Variants in GCNA observed in about 807,000 individuals in gnomAD.
GCNA encodes germ cell nuclear acidic protein.
GCNA carries 3 observed loss-of-function variants against 38.8 expected under a neutral mutation model. That is an observed-to-expected ratio of 0.08 (90% CI 0.04 to 0.20). GCNA has a LOEUF of 0.20. GCNA is among the 10% of genes least tolerant of loss of function. The pLI is 1.00. For synonymous variants in GCNA, 195 were observed against 240.2 expected (o/e 0.81, Z 1.74); for missense variants, 446 against 578.6 (o/e 0.77, Z 2.35).
intron 4 of GCNA, among the ~76,000 whole-genome samples, chrX:71,593,109 G>A (rs1302554751): frequency 3.6e-5 from 4 of 111,310 alleles, no homozygotes; most frequent in African/African-American, 9.8e-5. Flanking sequence ...GGTCAGGCTG[G>A]TCTTGAACTC....
chrX:71,603,589 T>C lies in GCNA; in HGVS notation c.312T>C (p.Asp104=), dbSNP rs2040733251. 1.7e-6 allele frequency: 2 copies of C among 1,204,279 alleles called. No homozygotes were observed. The highest frequency in any genetic ancestry group is 1.7e-5 in the African/African-American group (1 of 57,571). ...ATGATTGTGTCTCTTGAATTTCAGATGAGAGTCCGGAGTGTTGTCATGTGA... is the reference window on the plus strand; with the variant it reads ...ATGATTGTGTCTCTTGAATTTCAGACGAGAGTCCGGAGTGTTGTCATGTGA... ...KAKLLEINSD[D]ESPECCHVKP... is the part of the protein sequence containing the mutation. The change falls in exon 8 of 13, where the codon GAT becomes GAC. Residue 104 remains aspartate, a splice_region_variant and synonymous_variant. Transcript: ENST00000373696.
chrX:71,581,426 C>CT (rs1204169393), intron 2 of GCNA, among the ~76,000 whole-genome samples: 1 of 111,774 alleles, frequency 8.9e-6, no homozygotes. Flanking sequence ...CTGCCTGTCT[C>CT]TAAGTTTTTT....
At chrX:71,578,866 G>T (rs1415645723) in intron 1 of GCNA, among the ~76,000 whole-genome samples, 1 of 109,468 alleles carries the variant, frequency 9.1e-6, no homozygotes, top group Non-Finnish European at 1.9e-5. Flanking sequence ...AGATAGTGGG[G>T]GGCCTGGTGG....
At chrX:71,586,357 G>A (rs1569435951) in intron 2 of GCNA, among the ~76,000 whole-genome samples, 1 of 110,529 alleles carries the variant, frequency 9.0e-6, no homozygotes. Flanking sequence ...GTTTGGTAGT[G>A]TTTTTTTTCT....
intron 2 of GCNA, among the ~76,000 whole-genome samples, chrX:71,590,671 G>C (rs1024022348): frequency 6.3e-5 from 7 of 110,828 alleles, no homozygotes; most frequent in African/African-American, 2.3e-4. Context: ...AAGCCGTAAA[G>C]AAGTGGCTAA....
At chrX:71,588,792 A>G (rs1210206451) in intron 2 of GCNA, among the ~76,000 whole-genome samples, 1 of 111,786 alleles carries the variant, frequency 8.9e-6, no homozygotes, top group Non-Finnish European at 1.9e-5. Flanking sequence ...GCGCCACTGC[A>G]CTGCAACCTG....
At chrX:71,608,560 C>T (rs1465020376) in intron 9 of GCNA, among the ~76,000 whole-genome samples, 6 of 112,852 alleles carry the variant, frequency 5.3e-5, no homozygotes, top group Non-Finnish European at 9.4e-5. Context: ...CGCGAGCCAC[C>T]GCACCCAGCC....
chrX:71,612,283 GAAAAAAAAAAAAAA>G (rs756270122), intron 11 of GCNA, 58 bp from the exon 12 acceptor site: 11 of 294,912 alleles, frequency 3.7e-5, no homozygotes, highest in African/African-American at 3.3e-4. Flanking sequence ...CTCAAAAAAG[GAAAAAAAAAAAAAA>G]AAAAAAAAAA....
At chrX:71,604,799 G>A in intron 8 of GCNA, 123 bp downstream of exon 8, 2 of 952,871 alleles carry the variant, frequency 2.1e-6, no homozygotes, top group African/African-American at 2.0e-5. Flanking sequence ...ACTTCCCTGT[G>A]GCCCAAGGAG....
rs1175907751 is a variant in GCNA, at chrX:71,604,368, A to G, written c.1091A>G (p.His364Arg). The G allele has an allele frequency of 6.6e-6, 8 of 1,210,732 alleles. No individual in the cohort carries two copies. In the Admixed American group the frequency reaches 8.7e-5, roughly 13 times the overall value. The change falls in exon 8 of 13, where the codon CAT (histidine) becomes CGT (arginine). Residue 364 changes from histidine to arginine, a missense_variant. His to Arg is a conservative substitution (Grantham distance 29). This residue lies in a region of GCNA where 160 missense variants were observed against 165.2 expected (regional missense o/e 0.97). Transcript: ENST00000373696. ...LVEAAAAVSQ[H>R]DSSDDAGEQD... ...GAGGCTGCTGCTGCTGTCTCCCAGC[A>G]TGATTCATCTGATGATGCTGGTGAG... is the stretch of plus-strand genomic sequence containing the variant.
chrX:71,607,406 T>TC (rs765306767), intron 9 of GCNA, among the ~76,000 whole-genome samples: 1 of 112,159 alleles, frequency 8.9e-6, no homozygotes, highest in Non-Finnish European at 1.9e-5. Context: ...TCTGGCAAAT[T>TC]CTTAGTCTTA....
intron 11 of GCNA, 35 bp downstream of exon 11, chrX:71,610,854 C>G: frequency 8.3e-7 from 1 of 1,204,111 alleles, no homozygotes; most frequent in Non-Finnish European, 1.1e-6. Flanking sequence ...CACCACTGTG[C>G]TCTTTCCTTC....
intron 2 of GCNA, among the ~76,000 whole-genome samples, chrX:71,589,040 G>A (rs898949761): frequency 4.6e-5 from 5 of 109,849 alleles, no homozygotes; most frequent in Non-Finnish European, 9.5e-5. Context: ...TTTTTGTAAA[G>A]ACAAAGAGTC....
intron 11 of GCNA, among the ~76,000 whole-genome samples, chrX:71,611,335 G>A (rs1025891613): frequency 4.5e-5 from 5 of 111,643 alleles, no homozygotes; most frequent in African/African-American, 1.6e-4. Context: ...TCTACCACTA[G>A]CCCATGCCCC....
At chrX:71,592,376 C>T (rs1340597700) in intron 3 of GCNA, among the ~76,000 whole-genome samples, 161 bp from the exon 4 acceptor site, 27 of 87,325 alleles carry the variant, frequency 3.1e-4, no homozygotes, top group South Asian at 1.3e-3. Context: ...TTTTTTTTGG[C>T]TCTGGGTTTC....
chrX:71,605,669 A>G lies in GCNA; in HGVS notation c.1406A>G (p.Lys469Arg). The change falls in exon 9 of 13, where the codon AAG becomes AGG. Residue 469 changes from lysine (K) to arginine (R), a missense_variant. Around this residue, in one of 7 missense-constraint regions of GCNA, gnomAD observed 160 missense variants for 165.2 expected, o/e 0.97. Transcript: ENST00000373696. ...TKNVSVTPGHKKRGPSKKKPG... is the reference protein window; with the variant it reads ...TKNVSVTPGHRKRGPSKKKPG... ...ATTTTTTCATCTGGTAAAGGACATAAGAAGCGTGGGCCTTCAAAGAAGAAA... is the reference window on the plus strand; with the variant it reads ...ATTTTTTCATCTGGTAAAGGACATAGGAAGCGTGGGCCTTCAAAGAAGAAA... 2 of 1,209,548 alleles carry G rather than the reference A, an allele frequency of 1.7e-6. No individual in the cohort carries two copies. Among genetic ancestry groups the G allele is most frequent in the African/African-American group, 3.5e-5 (2 of 57,811 alleles).
intron 6 of GCNA, 57 bp from the exon 7 acceptor site, chrX:71,597,893 A>G: frequency 1.0e-6 from 1 of 952,492 alleles, no homozygotes; most frequent in Non-Finnish European, 1.5e-6. Flanking sequence ...ATGCCATGAA[A>G]AAGAAGACTG....
chrX:71,609,903 T>G (rs1197819294), intron 10 of GCNA, among the ~76,000 whole-genome samples: 1 of 112,115 alleles, frequency 8.9e-6, no homozygotes, highest in African/African-American at 3.2e-5. Context: ...TGACAAGACT[T>G]TATGGAGGGA....
intron 6 of GCNA, among the ~76,000 whole-genome samples, chrX:71,595,140 A>G (rs2040661014): frequency 8.9e-6 from 1 of 111,903 alleles, no homozygotes; most frequent in Non-Finnish European, 1.9e-5. Flanking sequence ...TTGCTCGACC[A>G]GGTTCGAGTG....
Sources: gnomAD v4.1 joint callset for allele counts (sites outside exome capture counted in the v4.1 genomes callset) on GRCh38, gnomAD v4.1.1 for gene constraint, gnomAD v4.1.1 regional missense constraint, MANE v1.5 for transcripts, NCBI Gene and HGNC (gene_info 2026-07-23, HGNC 2026-07-21) for gene names.